Variants in LRP1B observed in about 807,000 individuals in gnomAD.
The protein encoded by LRP1B is low-density lipoprotein receptor-related protein 1B.
LRP1B carries 217 observed loss-of-function variants against 556.6 expected under a neutral mutation model. The observed-to-expected ratio is 0.39, with a 90% CI of 0.35 to 0.44. The LOEUF is 0.44. LRP1B is among the 20% of genes least tolerant of loss of function. The pLI is 1.00. For missense variants in LRP1B, 5,053 were observed against 5,620.8 expected (o/e 0.90, Z 3.23); for synonymous variants, 2,047 against 1,865.8 (o/e 1.10, Z -2.50).
chr2:140,502,948 T>C lies in LRP1B; in HGVS notation c.8662+15A>G, dbSNP rs2104895405. 6.2e-7 allele frequency: 1 copy of C among 1,612,126 alleles called. No homozygotes were observed. The highest frequency in any genetic ancestry group is 1.1e-5 in the South Asian group (1 of 91,012). On this transcript the variant is annotated intron_variant, in intron 54 of 90. Coordinates refer to ENST00000389484, the MANE Select transcript of LRP1B (RefSeq NM_018557.3). Reference sequence around the variant, plus strand: ...ACACTTTAGAGTAAATGCGGTATTGTATATATTTCTGTACCTGCACTTTTA... The same window carrying C: ...ACACTTTAGAGTAAATGCGGTATTGCATATATTTCTGTACCTGCACTTTTA...
chr2:140,766,865 T>TATATATATATAA (rs1559106499), intron 35 of LRP1B, among the ~76,000 whole-genome samples: 1 of 58,936 alleles, frequency 1.7e-5, no homozygotes, highest in East Asian at 1.2e-3. Flanking sequence ...TATATATATA[T>TATATATATATAA]AATATATATA....
At chr2:140,247,291 A>G in intron 86 of LRP1B, 129 bp from the exon 87 acceptor site, 1 of 649,254 alleles carries the variant, frequency 1.5e-6, no homozygotes. Flanking sequence ...AATATTACAT[A>G]GAGATTTCTG....
In LRP1B at chr2:140,272,945, A is replaced by T. The variant is rs191047300; in HGVS notation, c.13142+1479T>A. 1.1e-3 allele frequency among the ~76,000 whole-genome samples: 170 copies of T among 152,050 alleles called. 2 individuals carry two copies. Among genetic ancestry groups the T allele is most frequent in the South Asian group, 4.6e-3 (22 of 4,820 alleles). ...ACAAACTCTTATGTTGCACCTCAATAGCCTGCTCATTGTGAGAATCTGGTG... is the reference window on the plus strand; with the variant it reads ...ACAAACTCTTATGTTGCACCTCAATTGCCTGCTCATTGTGAGAATCTGGTG... On this transcript the variant is annotated intron_variant, in intron 85 of 90. Coordinates refer to ENST00000389484, the MANE Select transcript of LRP1B (RefSeq NM_018557.3).
At chr2:141,777,112 A>G (rs1574348367) in intron 2 of LRP1B, among the ~76,000 whole-genome samples, 1 of 152,178 alleles carries the variant, frequency 6.6e-6, no homozygotes, top group African/African-American at 2.4e-5. Flanking sequence ...TGACAAAAAG[A>G]CTTTGGAGTA....
intron 2 of LRP1B, among the ~76,000 whole-genome samples, chr2:141,620,865 A>C (rs1051692313): frequency 1.8e-4 from 28 of 152,144 alleles, no homozygotes; most frequent in Admixed American, 1.0e-3. Context: ...TTAGTTGGAC[A>C]TACTGGGAAA....
intron 2 of LRP1B, among the ~76,000 whole-genome samples, chr2:141,546,271 T>C (rs1327783318): frequency 6.6e-6 from 1 of 152,106 alleles, no homozygotes; most frequent in Non-Finnish European, 1.5e-5. Context: ...GGGGGAGGCA[T>C]GTAGGCACCA....
intron 20 of LRP1B, among the ~76,000 whole-genome samples, chr2:140,925,015 AAATC>A (rs1216835262): frequency 4.6e-5 from 7 of 152,132 alleles, no homozygotes; most frequent in Non-Finnish European, 8.8e-5. Flanking sequence ...ATAAAAAGAA[AAATC>A]AGTCAACAAT....
intron 43 of LRP1B, 80 bp downstream of exon 43, chr2:140,598,551 C>T (rs1196069543): frequency 1.9e-6 from 2 of 1,055,982 alleles, no homozygotes; most frequent in Non-Finnish European, 2.8e-6. Flanking sequence ...TTGATATGTA[C>T]ATTTTAGGAG....
intron 46 of LRP1B, among the ~76,000 whole-genome samples, chr2:140,534,840 A>G (rs1690877974): frequency 6.6e-6 from 1 of 152,158 alleles, no homozygotes; most frequent in African/African-American, 2.4e-5. Flanking sequence ...CTCGACTACC[A>G]TAAGAGCTAG....
chr2:140,895,337 A>G (rs1262397164), intron 23 of LRP1B, among the ~76,000 whole-genome samples: 3 of 152,200 alleles, frequency 2.0e-5, no homozygotes, highest in Non-Finnish European at 2.9e-5. Flanking sequence ...ACAAACAGCA[A>G]TGGAGCCAGA....
intron 60 of LRP1B, among the ~76,000 whole-genome samples, chr2:140,464,739 C>G (rs189721322): frequency 6.6e-5 from 10 of 152,130 alleles, no homozygotes; most frequent in Non-Finnish European, 1.0e-4. Flanking sequence ...ACTATAAGTA[C>G]TTACTATAAG....
chr2:140,715,953 T>C lies in LRP1B; in HGVS notation c.6023+20A>G, dbSNP rs780700356. The C allele has an allele frequency of 4.0e-5, 62 of 1,547,250 alleles. No homozygotes were observed. The Middle Eastern group carries it at 5.2e-4, about 13-fold the overall frequency. ...AAACTCACATAAAACTTGGAAGATA[T>C]ACGTAAATCTTAAAATTACCCTTTC... On this transcript the variant is annotated intron_variant, in intron 37 of 90. Transcript: ENST00000389484.
chr2:141,370,383 C>T lies in LRP1B; in HGVS notation c.343+110013G>A, dbSNP rs140055307. On this transcript the variant is annotated intron_variant, in intron 3 of 90. Transcript: ENST00000389484. ...GATATCTCATTGTGGTTTTAGTTCA[C>T]ATTTCCCTGGTGATTAATGATGTTC... 4.0e-3 allele frequency among the ~76,000 whole-genome samples: 603 copies of T among 152,266 alleles called. 3 individuals are homozygous for T. The highest frequency in any genetic ancestry group is 6.0e-3 in the Non-Finnish European group (409 of 68,018).
intron 41 of LRP1B, chr2:140,683,690 T>TCCGGG: frequency 1.4e-6 from 1 of 714,406 alleles, no homozygotes; most frequent in East Asian, 2.6e-5. Flanking sequence ...GTGCCTTCAC[T>TCCGGG]CCGGGCTGGA....
intron 45 of LRP1B, among the ~76,000 whole-genome samples, chr2:140,539,453 G>C (rs150532128): frequency 6.9e-4 from 105 of 152,202 alleles, no homozygotes; most frequent in African/African-American, 2.3e-3. Context: ...TCACTCTACA[G>C]TTCCATGTGA....
At chr2:142,005,298 A>C (rs985432283) in intron 1 of LRP1B, among the ~76,000 whole-genome samples, 6 of 152,036 alleles carry the variant, frequency 3.9e-5, no homozygotes, top group African/African-American at 1.4e-4. Flanking sequence ...TTATATAGGA[A>C]GCTAACAAGC....
At chr2:141,195,856 G>A (rs1011309718) in intron 6 of LRP1B, among the ~76,000 whole-genome samples, 1 of 151,986 alleles carries the variant, frequency 6.6e-6, no homozygotes, top group Non-Finnish European at 1.5e-5. Context: ...AAAACAAGAC[G>A]GAAAAATGGC....
At chr2:141,997,405 A>ATT (rs1413824289) in intron 1 of LRP1B, among the ~76,000 whole-genome samples, 2 of 119,178 alleles carry the variant, frequency 1.7e-5, no homozygotes, top group Non-Finnish European at 3.4e-5. Flanking sequence ...ATATATATAT[A>ATT]AATGTATATA....
intron 41 of LRP1B, among the ~76,000 whole-genome samples, chr2:140,611,333 T>C (rs1683064760): frequency 6.6e-6 from 1 of 152,194 alleles, no homozygotes; most frequent in Admixed American, 6.5e-5. Flanking sequence ...GCAATGTGAA[T>C]ATTTTCTGAT....
Sources: gnomAD v4.1 joint callset for allele counts (sites outside exome capture counted in the v4.1 genomes callset) on GRCh38, gnomAD v4.1.1 for gene constraint, MANE v1.5 for transcripts, NCBI Gene and HGNC (gene_info 2026-07-23, HGNC 2026-07-21) for gene names.